Variants in SPATA13 observed in about 807,000 individuals in gnomAD.
SPATA13 encodes the protein spermatogenesis associated 13.
Under a neutral mutation model 104.0 loss-of-function variants are expected in SPATA13, and 50 were observed. The observed-to-expected ratio is 0.48, with a 90% CI of 0.38 to 0.61. SPATA13 has a LOEUF of 0.61. SPATA13 is among the 20% of genes least tolerant of loss of function. The pLI, the probability that SPATA13 is intolerant of heterozygous loss-of-function variation, is 0.00. For synonymous variants in SPATA13, 606 were observed against 667.5 expected (o/e 0.91, Z 1.42); for missense variants, 1,524 against 1,690.6 (o/e 0.90, Z 1.73).
At position 24,223,485 on chromosome 13, in the gene SPATA13, C is replaced by G; in HGVS notation, c.556C>G (p.Leu186Val). The G allele has an allele frequency of 6.5e-7, 1 of 1,549,128 alleles. No individual in the cohort carries two copies. Residue 186 changes from leucine to valine, a missense_variant, in exon 2 of 13, where the codon CTC (leucine) becomes GTC (valine). This residue lies in a region of SPATA13 where 1,089 missense variants were observed against 1,135.9 expected (regional missense o/e 0.96). Coordinates refer to ENST00000382108, the MANE Select transcript of SPATA13 (RefSeq NM_001166271.3). ...GTGGGGCACATTGGATGGCTCCGAC[C>G]TCGAGGACACGGACGATGCCTTCCA... ...AEWGTLDGSD[L>V]EDTDDAFQRS...
rs1254990660 is a variant in SPATA13, at chr13:24,305,001, C to T, written c.*2228C>T. The T allele has an allele frequency of 6.6e-6, 1 of 152,190 alleles. No individual in the cohort carries two copies. Among genetic ancestry groups the T allele is most frequent in the Non-Finnish European group, 1.5e-5 (1 of 68,036 alleles). 9.4% of individuals were successfully genotyped at this position (152,190 alleles called of 1,614,324 possible). On this transcript the variant is annotated 3_prime_UTR_variant, in exon 13 of 13. Coordinates refer to ENST00000382108, the MANE Select transcript of SPATA13 (RefSeq NM_001166271.3). Reference sequence around the variant, plus strand: ...TTAGCAATAACTGTAGGGGTCTCTGCTAGAGTTGTTTGTATGTACAGCAAT... The same window carrying T: ...TTAGCAATAACTGTAGGGGTCTCTGTTAGAGTTGTTTGTATGTACAGCAAT...
At chr13:24,160,698 G>A (rs1233708483), upstream of SPATA13, 1 of 984,788 alleles carries the variant, frequency 1.0e-6, no homozygotes, top group African/African-American at 1.7e-5. Flanking sequence ...GGTGGGGAGC[G>A]GGGCTGGGGC....
At chr13:24,127,078 T>C (rs1227935524) in intron 3 of SPATA13, among the ~76,000 whole-genome samples, 2 of 152,110 alleles carry the variant, frequency 1.3e-5, no homozygotes, top group Admixed American at 6.5e-5. Flanking sequence ...CCTTAAAGCA[T>C]TGAGGATTTA....
Position 24,249,584 on chromosome 13 carries a change from T to A in SPATA13, c.1761T>A (p.Pro587=). Residue 587 remains proline (P), a synonymous_variant, in exon 3 of 13, where the codon CCT becomes CCA. Transcript: ENST00000382108. ...GGGGCTCTGGGAGACGGCCAAGGCC[T>A]CGGCCATTCTCTGACTACGGCCAGC... ...RRWGSGRRPR[P]RPFSDYGQLA... 1.2e-6 allele frequency: 2 copies of A among 1,614,008 alleles called. No individual in the cohort carries two copies. The highest frequency in any genetic ancestry group is 1.7e-6 in the Non-Finnish European group (2 of 1,179,870).
chr13:24,288,513 A>T (rs1876114948), intron 7 of SPATA13, among the ~76,000 whole-genome samples: 1 of 152,142 alleles, frequency 6.6e-6, no homozygotes, highest in African/African-American at 2.4e-5. Flanking sequence ...CAGATTAAAG[A>T]CCCACAGATT....
chr13:24,226,511 A>G, intron 2 of SPATA13, among the ~76,000 whole-genome samples: 1 of 152,224 alleles, frequency 6.6e-6, no homozygotes, highest in East Asian at 1.9e-4. Context: ...AAACATCTTT[A>G]TAATTTTCAC....
intron 11 of SPATA13, among the ~76,000 whole-genome samples, chr13:24,299,443 G>A (rs1877024074): frequency 6.6e-6 from 1 of 152,238 alleles, no homozygotes; most frequent in African/African-American, 2.4e-5. Context: ...CTTGATGCAT[G>A]TGTGTGGGTA....
intron 3 of SPATA13, among the ~76,000 whole-genome samples, chr13:24,024,779 C>T (rs551498799): frequency 8.0e-5 from 12 of 150,728 alleles, no homozygotes; most frequent in Middle Eastern, 3.5e-3. Flanking sequence ...ATTTGCCTGC[C>T]GGGTGCAGTG....
intron 4 of SPATA13, among the ~76,000 whole-genome samples, chr13:24,280,858 ACCT>A (rs960732792): frequency 1.3e-5 from 2 of 152,058 alleles, no homozygotes; most frequent in Non-Finnish European, 2.9e-5. Flanking sequence ...AGACTAGGTG[ACCT>A]CCTGCTCTCC....
chr13:24,226,649 A>T (rs558237927), intron 2 of SPATA13, among the ~76,000 whole-genome samples: 2 of 152,190 alleles, frequency 1.3e-5, no homozygotes, highest in African/African-American at 4.8e-5. Context: ...GGTGCTTGCC[A>T]TAGAGAATAA....
At chr13:24,274,310 C>A (rs1339514660) in intron 4 of SPATA13, among the ~76,000 whole-genome samples, 2 of 152,340 alleles carry the variant, frequency 1.3e-5, no homozygotes, top group African/African-American at 4.8e-5. Flanking sequence ...GTGTCAGAAT[C>A]ATTTGAGGAG....
chr13:24,037,646 G>C (rs1183218035), intron 3 of SPATA13, among the ~76,000 whole-genome samples: 2 of 152,042 alleles, frequency 1.3e-5, no homozygotes, highest in Non-Finnish European at 2.9e-5. Context: ...CTGACCTCGT[G>C]ATCCACCTGC....
At chr13:24,201,388 C>T (rs1046177985) in intron 1 of SPATA13, among the ~76,000 whole-genome samples, 1 of 152,012 alleles carries the variant, frequency 6.6e-6, no homozygotes, top group Non-Finnish European at 1.5e-5. Context: ...ATATTTCTTA[C>T]AATTGATGGG....
chr13:24,123,966 G>A (rs777671045), intron 3 of SPATA13, among the ~76,000 whole-genome samples: 2 of 152,166 alleles, frequency 1.3e-5, no homozygotes, highest in African/African-American at 2.4e-5. Flanking sequence ...TCTGGCCATG[G>A]GAAAGGAAGG....
chr13:24,025,698 C>T (rs1877178874), intron 3 of SPATA13, among the ~76,000 whole-genome samples: 1 of 152,148 alleles, frequency 6.6e-6, no homozygotes, highest in African/African-American at 2.4e-5. Context: ...TTTAAATTTT[C>T]CTTTTTGTGA....
chr13:24,247,425 G>A (rs1178541861), intron 2 of SPATA13, among the ~76,000 whole-genome samples: 3 of 149,408 alleles, frequency 2.0e-5, no homozygotes, highest in African/African-American at 2.5e-5. Context: ...AAAAATGAGT[G>A]GTTGGAGTAA....
chr13:24,120,873 A>G (rs998989450), intron 3 of SPATA13, among the ~76,000 whole-genome samples: 2 of 152,216 alleles, frequency 1.3e-5, no homozygotes, highest in African/African-American at 2.4e-5. Flanking sequence ...ACTGAGTTCT[A>G]TTCACAAAGG....
At chr13:24,201,216 T>C (rs1870384920) in intron 1 of SPATA13, among the ~76,000 whole-genome samples, 1 of 152,210 alleles carries the variant, frequency 6.6e-6, no homozygotes, top group African/African-American at 2.4e-5. Flanking sequence ...CCCTGTCATG[T>C]GTACAAAGCT....
At chr13:24,182,916 A>T (rs1166757359) in intron 1 of SPATA13, among the ~76,000 whole-genome samples, 2 of 152,304 alleles carry the variant, frequency 1.3e-5, no homozygotes, top group East Asian at 3.9e-4. Context: ...AAGGCAGCTC[A>T]CCGAGGGCTC....
Sources: gnomAD v4.1 joint callset for allele counts (sites outside exome capture counted in the v4.1 genomes callset) on GRCh38, gnomAD v4.1.1 for gene constraint, gnomAD v4.1.1 regional missense constraint, MANE v1.5 for transcripts, NCBI Gene and HGNC (gene_info 2026-07-23, HGNC 2026-07-21) for gene names.